CCDC149: variants seen among roughly 807,000 people sequenced by gnomAD.
CCDC149 encodes the protein coiled-coil domain-containing protein 149.
CCDC149 carries 45 observed loss-of-function variants against 59.9 expected under a neutral mutation model. The observed-to-expected ratio is 0.75, with a 90% CI of 0.59 to 0.96. CCDC149 has a LOEUF of 0.96. CCDC149 is among the 40% of genes least tolerant of loss of function. The pLI, the probability that CCDC149 is intolerant of heterozygous loss-of-function variation, is 0.00. For missense variants in CCDC149, 584 were observed against 664.7 expected, an observed-to-expected ratio of 0.88 and a Z score of 1.33; for synonymous variants, 245 against 260.6, an observed-to-expected ratio of 0.94 and a Z score of 0.58.
intron 8 of CCDC149, among the ~76,000 whole-genome samples, chr4:24,834,164 G>C (rs910798997): frequency 3.9e-5 from 6 of 152,184 alleles, no homozygotes; most frequent in Non-Finnish European, 8.8e-5. Context: ...TGTTATGTAG[G>C]CTGGAGACTC....
chr4:24,861,029 A>G lies in CCDC149; in HGVS notation c.265-7850T>C, dbSNP rs139591676. On this transcript the variant is annotated intron_variant, in intron 3 of 12. Transcript: ENST00000635206. ...ACTGCTGGTGGGAATGTAAACTATT[A>G]TAACCACTATGGAAAACAGTATGGA... Among the ~76,000 whole-genome samples the G allele has an allele frequency of 3.1e-3, 465 of 152,302 alleles. 1 individual carries two copies. The highest frequency in any genetic ancestry group is 0.011 in the African/African-American group (437 of 41,560).
At chr4:24,930,762 ACT>A (rs1273046967) in intron 1 of CCDC149, among the ~76,000 whole-genome samples, 1 of 152,154 alleles carries the variant, frequency 6.6e-6, no homozygotes, top group African/African-American at 2.4e-5. Flanking sequence ...GGTTCCTGCT[ACT>A]CTAGACAGGG....
intron 3 of CCDC149, among the ~76,000 whole-genome samples, chr4:24,859,643 G>A (rs1279809029): frequency 1.3e-5 from 2 of 152,154 alleles, no homozygotes; most frequent in Non-Finnish European, 2.9e-5. Flanking sequence ...AATCAGTAAG[G>A]AGGAAGTCAA....
intron 3 of CCDC149, among the ~76,000 whole-genome samples, chr4:24,867,879 G>T (rs1383952195): frequency 1.3e-5 from 2 of 152,200 alleles, no homozygotes; most frequent in Non-Finnish European, 2.9e-5. Context: ...GTCAAGAAAC[G>T]AAAGTCACAG....
intron 3 of CCDC149, 59 bp downstream of exon 3, chr4:24,873,622 A>G (rs376991170): frequency 2.4e-5 from 27 of 1,105,874 alleles, no homozygotes; most frequent in South Asian, 1.8e-4. Context: ...AGATTCCCTG[A>G]TCCTCCCAAT....
chr4:24,879,809 G>A (rs1719724989), intron 1 of CCDC149, among the ~76,000 whole-genome samples: 1 of 152,174 alleles, frequency 6.6e-6, no homozygotes, highest in African/African-American at 2.4e-5. Context: ...CTGGTGCCTG[G>A]CTCAGGAATC....
chr4:24,909,663 G>A (rs140878365), intron 1 of CCDC149, among the ~76,000 whole-genome samples: 2,958 of 152,234 alleles, frequency 0.019, 107 homozygotes, highest in African/African-American at 0.067. Context: ...GGGACCTGGT[G>A]GGAGATAATT....
intron 5 of CCDC149, 40 bp downstream of exon 5, chr4:24,838,116 G>A (rs1241331767): frequency 1.4e-6 from 2 of 1,450,648 alleles, no homozygotes; most frequent in Non-Finnish European, 1.9e-6. Flanking sequence ...GTCCAGCTGT[G>A]CAAATGCATC....
intron 1 of CCDC149, among the ~76,000 whole-genome samples, chr4:24,893,613 CTTTTT>C (rs3066508): frequency 0.033 from 2,178 of 65,906 alleles, 144 homozygotes; most frequent in African/African-American, 0.12. Context: ...AAAATACAGA[CTTTTT>C]TTTTTTTTTT....
At chr4:24,910,676 T>C (rs1268493645) in intron 1 of CCDC149, among the ~76,000 whole-genome samples, 2 of 152,104 alleles carry the variant, frequency 1.3e-5, no homozygotes, top group South Asian at 2.1e-4. Flanking sequence ...TGAGCAATGA[T>C]TAAAATAGCA....
Position 24,912,820 on chromosome 4 carries a change from G to A in CCDC149, c.60C>T (p.Ser20=). 7.4e-7 allele frequency: 1 copy of A among 1,347,970 alleles called. No homozygotes were observed. Among genetic ancestry groups the A allele is most frequent in the Non-Finnish European group, 9.7e-7 (1 of 1,035,454 alleles). The allele number at this position is 1,347,970 out of a possible 1,614,324, so 83.5% of individuals were successfully genotyped here. ...CTGGCCGGCGCCGCGGCCTCACCTC[G>A]CTCACCAGCCCCTGCCAGTCGCTCT... The change falls in exon 1 of 13, where the codon AGC becomes AGT. Residue 20 remains serine (S), a synonymous_variant. Transcript: ENST00000635206.
At chr4:24,866,789 C>CA (rs11382183) in intron 3 of CCDC149, among the ~76,000 whole-genome samples, 98,839 of 129,634 alleles carry the variant, frequency 0.76, 36,673 homozygotes, top group East Asian at 0.88. Flanking sequence ...ACCCAAAAAG[C>CA]AAAAAAAAAA....
At chr4:24,841,919 G>A (rs1242968140) in intron 4 of CCDC149, among the ~76,000 whole-genome samples, 3 of 152,206 alleles carry the variant, frequency 2.0e-5, no homozygotes, top group African/African-American at 7.2e-5. Flanking sequence ...GGATGAGAGA[G>A]AAATAAACCA....
At chr4:24,866,823 C>CCACA (rs3066470) in intron 3 of CCDC149, among the ~76,000 whole-genome samples, 3,906 of 142,046 alleles carry the variant, frequency 0.027, 143 homozygotes, top group African/African-American at 0.078. Context: ...ACACACACAC[C>CCACA]CACACACACA....
intron 12 of CCDC149, among the ~76,000 whole-genome samples, chr4:24,812,088 C>T (rs1714647887): frequency 6.6e-6 from 1 of 152,132 alleles, no homozygotes; most frequent in Non-Finnish European, 1.5e-5. Flanking sequence ...TGAAAGGATA[C>T]ATGATATTGC....
chr4:24,890,842 C>T (rs2109284110), intron 1 of CCDC149, among the ~76,000 whole-genome samples: 1 of 152,334 alleles, frequency 6.6e-6, no homozygotes, highest in Admixed American at 6.5e-5. Context: ...ATCAGCCGTG[C>T]AAATCCATTA....
At chr4:24,842,570 C>T (rs961024581) in intron 4 of CCDC149, among the ~76,000 whole-genome samples, 63 of 152,204 alleles carry the variant, frequency 4.1e-4, no homozygotes, top group African/African-American at 1.3e-3. Context: ...CATTCAGTTG[C>T]TGATTTAGAT....
chr4:24,938,582 G>A (rs373277887), intron 1 of CCDC149, among the ~76,000 whole-genome samples: 89 of 152,296 alleles, frequency 5.8e-4, no homozygotes, highest in African/African-American at 1.8e-3. Flanking sequence ...GGCGTGAGCC[G>A]AAGCAGGGCG....
intron 1 of CCDC149, among the ~76,000 whole-genome samples, chr4:24,977,108 T>G (rs996823183): frequency 8.5e-5 from 13 of 152,228 alleles, no homozygotes; most frequent in Non-Finnish European, 1.9e-4. Flanking sequence ...GGGACCACCC[T>G]TGATACTGTG....
Sources: allele counts gnomAD v4.1 joint callset (sites outside exome capture counted in the v4.1 genomes callset), GRCh38; gene constraint gnomAD v4.1.1; transcripts MANE v1.5; gene names NCBI Gene and HGNC (gene_info 2026-07-23, HGNC 2026-07-21).